ST8SIA4: variants seen among roughly 807,000 people sequenced by gnomAD.
ST8SIA4 encodes the protein CMP-N-acetylneuraminate-poly-alpha-2,8-sialyltransferase.
In ST8SIA4, 15 loss-of-function variants were observed where a neutral mutation model predicts 33.9. The observed-to-expected ratio is 0.44, with a 90% CI of 0.30 to 0.68. The LOEUF (loss-of-function observed/expected upper bound fraction) is 0.68, where lower values mean the gene tolerates loss of function less well. ST8SIA4 is among the 30% of genes least tolerant of loss of function. The pLI, the probability that ST8SIA4 is intolerant of heterozygous loss-of-function variation, is 0.10. For missense variants in ST8SIA4, 321 were observed against 428.0 expected (o/e 0.75, Z 2.21); for synonymous variants, 171 against 151.2 (o/e 1.13, Z -0.96).
intron 4 of ST8SIA4, among the ~76,000 whole-genome samples, chr5:100,834,090 C>A (rs1751315558): frequency 6.6e-6 from 1 of 152,070 alleles, no homozygotes; most frequent in Non-Finnish European, 1.5e-5. Context: ...AATCAAAAGA[C>A]ATTATTTCTA....
intron 3 of ST8SIA4, 79 bp from the exon 4 acceptor site, chr5:100,856,475 A>G: frequency 2.2e-6 from 3 of 1,350,984 alleles, no homozygotes; most frequent in Non-Finnish European, 3.0e-6. Context: ...GAAAAGAAGA[A>G]TGGGAAATAA....
intron 3 of ST8SIA4, among the ~76,000 whole-genome samples, chr5:100,882,610 T>C (rs1752450127): frequency 6.6e-6 from 1 of 152,188 alleles, no homozygotes; most frequent in South Asian, 2.1e-4. Flanking sequence ...TCAGAGGTCT[T>C]TATGGCAGCC....
chr5:100,898,967 C>T (rs947760299), intron 1 of ST8SIA4, among the ~76,000 whole-genome samples: 1 of 152,142 alleles, frequency 6.6e-6, no homozygotes, highest in Non-Finnish European at 1.5e-5. Flanking sequence ...CTAAGATGGT[C>T]ATCTATGTGA....
At chr5:100,832,506 T>C (rs1388039963) in intron 4 of ST8SIA4, among the ~76,000 whole-genome samples, 1 of 152,184 alleles carries the variant, frequency 6.6e-6, no homozygotes, top group Admixed American at 6.5e-5. Flanking sequence ...GAGATTGTTC[T>C]TATTTTCAAA....
At chr5:100,872,460 G>A (rs1190491567) in intron 3 of ST8SIA4, among the ~76,000 whole-genome samples, 1 of 152,026 alleles carries the variant, frequency 6.6e-6, no homozygotes, top group Non-Finnish European at 1.5e-5. Flanking sequence ...GGATTTAGCT[G>A]TGTCCCAACC....
intron 4 of ST8SIA4, among the ~76,000 whole-genome samples, chr5:100,846,419 G>T (rs1462485839): frequency 6.6e-6 from 1 of 151,886 alleles, no homozygotes; most frequent in Admixed American, 6.6e-5. Flanking sequence ...TTATAGAGAT[G>T]AATAAGTCAA....
At chr5:100,869,530 G>A (rs939180607) in intron 3 of ST8SIA4, among the ~76,000 whole-genome samples, 1 of 151,954 alleles carries the variant, frequency 6.6e-6, no homozygotes, top group Non-Finnish European at 1.5e-5. Flanking sequence ...CTCACTTAGG[G>A]TGCCTTCTCT....
chr5:100,855,430 C>A (rs1226833322), intron 4 of ST8SIA4, among the ~76,000 whole-genome samples: 1 of 152,152 alleles, frequency 6.6e-6, no homozygotes, highest in Non-Finnish European at 1.5e-5. Context: ...ATCTGACACT[C>A]AGTACACTTC....
Position 100,812,029 on chromosome 5 carries a change from A to T in ST8SIA4, c.898T>A (p.Phe300Ile). The stretch of plus-strand genomic sequence containing the variant: ...TTTAAATCCTTAGGGAAGGGCCAGA[A>T]TCCATACAGGTGAATTTCATCACAG... ...RFCDEIHLYG[F>I]WPFPKDLNGK... Residue 300 changes from phenylalanine to isoleucine, a missense_variant, in exon 5 of 5, where the codon TTC (phenylalanine) becomes ATC (isoleucine). Transcript: ENST00000231461. The T allele has an allele frequency of 6.2e-7, 1 of 1,614,186 alleles. No homozygotes were observed. The highest frequency in any genetic ancestry group is 8.5e-7 in the Non-Finnish European group (1 of 1,180,012).
chr5:100,828,275 T>C (rs1442517176), intron 4 of ST8SIA4, among the ~76,000 whole-genome samples: 4 of 152,192 alleles, frequency 2.6e-5, no homozygotes, highest in African/African-American at 9.6e-5. Context: ...AATTGATACG[T>C]GCTGAAATAA....
At position 100,812,080 on chromosome 5, in the gene ST8SIA4, G is replaced by A; in HGVS notation, c.847C>T (p.Leu283Phe). The change falls in exon 5 of 5, where the codon CTC (leucine) becomes TTC (phenylalanine). Residue 283 changes from leucine to phenylalanine, a missense_variant. Coordinates refer to ENST00000231461, the MANE Select transcript of ST8SIA4 (RefSeq NM_005668.6). ...VPIKRPSTGLLMYTLATRFCD... is the reference protein window; with the variant it reads ...VPIKRPSTGLFMYTLATRFCD... ...AATCTTGTGGCAAGTGTATACATGA[G>A]AAGACCTGTGCTGGGTCTTTTGATA... is the stretch of plus-strand genomic sequence containing the variant. The A allele has an allele frequency of 6.2e-7, 1 of 1,614,106 alleles. No individual in the cohort carries two copies.
chr5:100,893,881 T>A (rs545562254), intron 2 of ST8SIA4, among the ~76,000 whole-genome samples: 1 of 152,284 alleles, frequency 6.6e-6, no homozygotes, highest in Non-Finnish European at 1.5e-5. Context: ...TTGAAAGTTA[T>A]TTTTCTGCTT....
chr5:100,812,116 TG>T lies in ST8SIA4; in HGVS notation c.810del (p.Asn271ThrfsTer37). On this transcript the variant is annotated frameshift_variant, in exon 5 of 5. Coordinates refer to ENST00000231461, the MANE Select transcript of ST8SIA4 (RefSeq NM_005668.6). LOFTEE classifies it high-confidence loss of function. ...CTGGGTCTTTTGATAGGAACTTTGT[TG>T]GTCAGCCAGTAACTGGAAAAACAAA... ...LIHAVRGYWLTNKVPIKRPST... is the reference protein window; with the variant it reads ...LIHAVRGYWLXNKVPIKRPST... 1 of 1,609,824 alleles carries T rather than the reference TG, an allele frequency of 6.2e-7. No homozygotes were observed. Among genetic ancestry groups the T allele is most frequent in the Non-Finnish European group, 8.5e-7 (1 of 1,178,564 alleles).
chr5:100,823,989 T>A (rs1247611478), intron 4 of ST8SIA4, among the ~76,000 whole-genome samples: 2 of 152,206 alleles, frequency 1.3e-5, no homozygotes, highest in Non-Finnish European at 2.9e-5. Flanking sequence ...GGGTGAAATA[T>A]AACTTTCTTT....
At chr5:100,857,379 C>T (rs766783313) in intron 3 of ST8SIA4, among the ~76,000 whole-genome samples, 1 of 151,306 alleles carries the variant, frequency 6.6e-6, no homozygotes, top group Non-Finnish European at 1.5e-5. Flanking sequence ...AAAATAGCTT[C>T]ATTTTTTTTT....
intron 4 of ST8SIA4, among the ~76,000 whole-genome samples, chr5:100,843,236 G>A (rs1322855233): frequency 6.6e-6 from 1 of 151,786 alleles, no homozygotes; most frequent in Admixed American, 6.6e-5. Flanking sequence ...CTTTAGGAGT[G>A]TACTTTAAAT....
intron 4 of ST8SIA4, among the ~76,000 whole-genome samples, chr5:100,835,658 G>C (rs1561389148): frequency 6.6e-6 from 1 of 152,102 alleles, no homozygotes; most frequent in Non-Finnish European, 1.5e-5. Flanking sequence ...AGATGCTGTG[G>C]TTGCCAATTA....
chr5:100,894,784 T>G (rs1242755652), intron 2 of ST8SIA4, among the ~76,000 whole-genome samples: 2 of 152,092 alleles, frequency 1.3e-5, no homozygotes, highest in Non-Finnish European at 2.9e-5. Context: ...GGAAAATTAA[T>G]TAGCCCCTTA....
rs1004442441 is a variant in ST8SIA4, at chr5:100,885,722, G to C, written c.503+621C>G. The C allele has an allele frequency of 1.3e-5, 12 of 941,950 alleles. No homozygotes were observed. In the African/African-American group the frequency reaches 2.1e-4, roughly 17 times the overall value. The allele number at this position is 941,950 out of a possible 1,614,324, so 58.3% of individuals were successfully genotyped here. ...ACTGTTGAGTTTTTTTCAGTTAATA[G>C]GTTAATCAAACACACAATTCATCAA... is the stretch of plus-strand genomic sequence containing the variant. On this transcript the variant is annotated intron_variant, in intron 3 of 4. Transcript: ENST00000231461.
Sources: gnomAD v4.1 joint callset for allele counts (sites outside exome capture counted in the v4.1 genomes callset) on GRCh38, gnomAD v4.1.1 for gene constraint, MANE v1.5 for transcripts, NCBI Gene and HGNC (gene_info 2026-07-23, HGNC 2026-07-21) for gene names.